Variants in CFAP77 observed in about 807,000 individuals in gnomAD.
CFAP77 encodes cilia- and flagella-associated protein 77.
A neutral mutation model predicts 31.1 loss-of-function variants in CFAP77; 25 were observed. The ratio of observed to expected loss-of-function variants is 0.80; its 90% confidence interval spans 0.59 to 1.12. The LOEUF (loss-of-function observed/expected upper bound fraction) is 1.12. Among genes scored for constraint, CFAP77 ranks in the 50% most tolerant of loss-of-function variants. The pLI is 0.00. For missense variants in CFAP77, 377 were observed against 397.3 expected, an observed-to-expected ratio of 0.95 and a Z score of 0.44; for synonymous variants, 151 against 159.9, an observed-to-expected ratio of 0.94 and a Z score of 0.42.
rs929390592 is a variant in CFAP77, at chr9:132,490,141, A to C, written c.196-8554A>C. Among the ~76,000 whole-genome samples the C allele has an allele frequency of 2.0e-5, 3 of 152,066 alleles. No individual in the cohort carries two copies. Among genetic ancestry groups the C allele is most frequent in the African/African-American group, 7.2e-5 (3 of 41,392 alleles). On this transcript the variant is annotated intron_variant, in intron 1 of 5. Coordinates refer to ENST00000393216, the MANE Select transcript of CFAP77 (RefSeq NM_001282957.2). The surrounding 1 kb of genome is among the most constrained non-coding windows in gnomAD (Gnocchi z 4.6). ...ATGACAGACGGACAGAAGGGGATAA[A>C]AAGGGCGAACTCCCTCCATCAAGGC...
rs537065583 is a variant in CFAP77 at position 132,531,330 on chromosome 9, A to T, written c.525-6271A>T. On this transcript the variant is annotated intron_variant, in intron 3 of 5. Coordinates refer to ENST00000393216, the MANE Select transcript of CFAP77 (RefSeq NM_001282957.2). ...GTGATGTTGGTGGCCAATGGCCAAG[A>T]CCTGCTGTAAATCAGCAAACAAACC... Among the ~76,000 whole-genome samples, 3 of 152,302 alleles carry T rather than the reference A, an allele frequency of 2.0e-5. No homozygotes were observed. In the East Asian group the frequency reaches 5.8e-4, roughly 29 times the overall value.
chr9:132,482,477 C>A, intron 1 of CFAP77: 2 of 1,392,584 alleles, frequency 1.4e-6, no homozygotes, highest in South Asian at 1.2e-5. Flanking sequence ...AAGAGGGGCC[C>A]CTCCCGGCTT....
chr9:132,427,915 G>A (rs539959472), intron 1 of CFAP77, among the ~76,000 whole-genome samples: 35 of 152,194 alleles, frequency 2.3e-4, no homozygotes, highest in South Asian at 8.3e-4. Flanking sequence ...GGACTTCAGC[G>A]TATGAATTTT....
At chr9:132,417,807 T>C (rs1850131334) in intron 1 of CFAP77, among the ~76,000 whole-genome samples, 3 of 152,226 alleles carry the variant, frequency 2.0e-5, no homozygotes, top group Non-Finnish European at 4.4e-5. Context: ...TTCTCAGCAA[T>C]TGACTTTAAG....
At chr9:132,537,736 A>G in intron 4 of CFAP77, 30 bp downstream of exon 4, 1 of 1,548,082 alleles carries the variant, frequency 6.5e-7, no homozygotes, top group Non-Finnish European at 8.9e-7. Flanking sequence ...CCAAGTTGAC[A>G]GCTGATGGGG....
intron 4 of CFAP77, among the ~76,000 whole-genome samples, chr9:132,542,304 G>A (rs1354174769): frequency 6.6e-6 from 1 of 152,220 alleles, no homozygotes; most frequent in Non-Finnish European, 1.5e-5. Flanking sequence ...CACAGTCGAA[G>A]CCAAGTGCCA....
chr9:132,479,457 G>C (rs1042312770), intron 1 of CFAP77, among the ~76,000 whole-genome samples: 2 of 152,210 alleles, frequency 1.3e-5, no homozygotes, highest in Non-Finnish European at 2.9e-5. Flanking sequence ...GAGGGCCTTG[G>C]GGGGCTGGGC....
chr9:132,557,943 T>C (rs1852929880), intron 5 of CFAP77, among the ~76,000 whole-genome samples: 1 of 152,206 alleles, frequency 6.6e-6, no homozygotes, highest in African/African-American at 2.4e-5. Flanking sequence ...AGACTCCATG[T>C]TGATCTTTTA....
At chr9:132,536,893 C>A (rs1019517367) in intron 3 of CFAP77, among the ~76,000 whole-genome samples, 4 of 152,132 alleles carry the variant, frequency 2.6e-5, no homozygotes, top group Non-Finnish European at 2.9e-5. Flanking sequence ...GGGAATAATA[C>A]TAGTATCCAT....
At chr9:132,510,097 T>C (rs1051404367) in intron 3 of CFAP77, among the ~76,000 whole-genome samples, 3 of 152,140 alleles carry the variant, frequency 2.0e-5, no homozygotes, top group African/African-American at 7.2e-5. Context: ...AGGGAGGCAC[T>C]GATGGGCCCG....
chr9:132,525,477 C>T (rs1002859963), intron 3 of CFAP77, among the ~76,000 whole-genome samples: 3 of 151,932 alleles, frequency 2.0e-5, no homozygotes, highest in African/African-American at 7.3e-5. Context: ...AGAGAAAACC[C>T]ACGTCCTCTT....
chr9:132,447,492 C>T (rs1417062517), intron 1 of CFAP77, among the ~76,000 whole-genome samples: 1 of 152,226 alleles, frequency 6.6e-6, no homozygotes, highest in African/African-American at 2.4e-5. Flanking sequence ...GTCTTGTCTT[C>T]ACTCGCCAGC....
At chr9:132,537,193 A>G (rs886540969) in intron 3 of CFAP77, among the ~76,000 whole-genome samples, 1 of 152,174 alleles carries the variant, frequency 6.6e-6, no homozygotes, top group African/African-American at 2.4e-5. Flanking sequence ...AGGCAGGCCA[A>G]GGTCATCAGA....
intron 1 of CFAP77, among the ~76,000 whole-genome samples, chr9:132,459,118 C>A (rs1452072152): frequency 6.7e-6 from 1 of 149,642 alleles, no homozygotes; most frequent in East Asian, 2.0e-4. Context: ...GTTGCCCAGG[C>A]TGGAGTGCAG....
rs1456425348 is a variant in CFAP77, at chr9:132,565,550, G to A, written c.733-6838G>A. On this transcript the variant is annotated intron_variant, in intron 5 of 5. Transcript: ENST00000393216. This position sits in a 1 kb window ranked among gnomAD's most constrained non-coding sequence, Gnocchi z 4.1. ...GGAGGCTGAGGAAGGAGGATCGCTT[G>A]AACCCGGGAGGCAGAGTTTGCAGTG... is the stretch of plus-strand genomic sequence containing the variant. 2.0e-5 allele frequency among the ~76,000 whole-genome samples: 3 copies of A among 152,052 alleles called. No homozygotes were observed. Among genetic ancestry groups the A allele is most frequent in the Non-Finnish European group, 4.4e-5 (3 of 68,024 alleles).
At chr9:132,512,146 C>T (rs1005040622) in intron 3 of CFAP77, among the ~76,000 whole-genome samples, 1 of 152,164 alleles carries the variant, frequency 6.6e-6, no homozygotes, top group Non-Finnish European at 1.5e-5. Context: ...GCTCCCTCTG[C>T]GGGCTCTAGG....
At position 132,480,400 on chromosome 9, in the gene CFAP77, C is replaced by T. The variant is rs1423600074; in HGVS notation, c.196-18295C>T. 6.6e-6 allele frequency among the ~76,000 whole-genome samples: 1 copy of T among 152,216 alleles called. No individual in the cohort carries two copies. Among genetic ancestry groups the T allele is most frequent in the Admixed American group, 6.5e-5 (1 of 15,288 alleles). On this transcript the variant is annotated intron_variant, in intron 1 of 5. Coordinates refer to ENST00000393216, the MANE Select transcript of CFAP77 (RefSeq NM_001282957.2). The surrounding 1 kb of genome is among the most constrained non-coding windows in gnomAD (Gnocchi z 5.8). ...CCAGACCCTGTTCTGGAAGACCTGC[C>T]CCAGATGGCCCAGGCCTGGGAGGAG...
intron 1 of CFAP77, among the ~76,000 whole-genome samples, chr9:132,451,338 T>TAA (rs34713934): frequency 1.5e-5 from 2 of 131,344 alleles, no homozygotes; most frequent in Non-Finnish European, 3.3e-5. Context: ...AACTCCATCT[T>TAA]AAAAAAAAAA....
At position 132,493,546 on chromosome 9, in the gene CFAP77, T is replaced by C. The variant is rs750539554; in HGVS notation, c.196-5149T>C. 1.5e-4 allele frequency among the ~76,000 whole-genome samples: 23 copies of C among 152,216 alleles called. 1 individual carries two copies. Among genetic ancestry groups the C allele is most frequent in the Non-Finnish European group, 2.4e-4 (16 of 68,038 alleles). ...GCTGGCAGACACAGTCATGGATGAA[T>C]GGCTCCTGGGGGAGGGCAGCAGGCT... On this transcript the variant is annotated intron_variant, in intron 1 of 5. Transcript: ENST00000393216.
Sources: allele counts gnomAD v4.1 joint callset (sites outside exome capture counted in the v4.1 genomes callset), GRCh38; gene constraint gnomAD v4.1.1; non-coding constraint Gnocchi (gnomAD v3.1); transcripts MANE v1.5; gene names NCBI Gene and HGNC (gene_info 2026-07-23, HGNC 2026-07-21).